Variants in LARGE1 observed in about 807,000 individuals in gnomAD.
LARGE1 encodes xylosyl- and glucuronyltransferase LARGE1.
LARGE1 carries 43 observed loss-of-function variants against 87.6 expected under a neutral mutation model. That is an observed-to-expected ratio of 0.49 (90% CI 0.38 to 0.63). The LOEUF (loss-of-function observed/expected upper bound fraction) is 0.63, where lower values mean the gene tolerates loss of function less well. Ranked by LOEUF, LARGE1 falls within the 30% of genes least tolerant of loss-of-function variation. The pLI, the probability that LARGE1 is intolerant of heterozygous loss-of-function variation, is 0.00. For missense variants in LARGE1, 802 were observed against 1,000.2 expected (o/e 0.80, Z 2.67); for synonymous variants, 434 against 394.6 (o/e 1.10, Z -1.18).
At chr22:33,537,583 T>C (rs957944006) in intron 6 of LARGE1, among the ~76,000 whole-genome samples, 2 of 152,172 alleles carry the variant, frequency 1.3e-5, no homozygotes, top group African/African-American at 4.8e-5. Flanking sequence ...TATTTGTTTT[T>C]TTAAGACGGA....
chr22:33,423,378 A>T (rs912538905), intron 7 of LARGE1, among the ~76,000 whole-genome samples: 3 of 151,886 alleles, frequency 2.0e-5, no homozygotes, highest in African/African-American at 7.2e-5. Flanking sequence ...AATTTTCTTT[A>T]AAAAAATTAT....
chr22:33,586,478 C>T (rs1197135609), intron 5 of LARGE1, among the ~76,000 whole-genome samples: 4 of 145,786 alleles, frequency 2.7e-5, no homozygotes, highest in Non-Finnish European at 4.5e-5. Context: ...TTTTTTCAGA[C>T]GGAGTCTTGC....
the LARGE1 span, among the ~76,000 whole-genome samples, chr22:33,079,905 G>T: frequency 1.3e-5 from 2 of 152,226 alleles, no homozygotes; most frequent in African/African-American, 4.8e-5. Context: ...TCCGACAATG[G>T]CATCATTGGC....
the LARGE1 span, among the ~76,000 whole-genome samples, chr22:33,131,378 T>C: frequency 6.6e-6 from 1 of 152,166 alleles, no homozygotes; most frequent in South Asian, 2.1e-4. Context: ...CTGCCTTCCT[T>C]TATCCCTATT....
At chr22:33,364,189 G>T (rs1260404638) in intron 9 of LARGE1, among the ~76,000 whole-genome samples, 1 of 152,072 alleles carries the variant, frequency 6.6e-6, no homozygotes, top group South Asian at 2.1e-4. Flanking sequence ...CGAGTAGCTG[G>T]GACTACAGGC....
chr22:33,350,073 G>A (rs1009681870), intron 9 of LARGE1, among the ~76,000 whole-genome samples: 2 of 152,158 alleles, frequency 1.3e-5, no homozygotes, highest in Non-Finnish European at 2.9e-5. Context: ...AGGCTAAGGA[G>A]GGGATAAAAG....
At chr22:33,123,007 TG>T in the LARGE1 span, among the ~76,000 whole-genome samples, 2 of 152,102 alleles carry the variant, frequency 1.3e-5, no homozygotes, top group South Asian at 4.1e-4. Flanking sequence ...TTGATGACCT[TG>T]GAGTGGAATC....
intron 1 of LARGE1, chr22:33,873,344 G>A (rs1232991905): frequency 6.6e-6 from 1 of 152,290 alleles, no homozygotes; most frequent in African/African-American, 2.4e-5. Flanking sequence ...GCCTCGATTA[G>A]CTGGAGTGTT....
chr22:33,093,742 G>T, the LARGE1 span, among the ~76,000 whole-genome samples: 5 of 151,840 alleles, frequency 3.3e-5, no homozygotes, highest in Admixed American at 1.3e-4. Context: ...ATTCTATTCT[G>T]CACTGGGTGT....
chr22:33,854,884 C>T (rs1263562126), intron 1 of LARGE1, among the ~76,000 whole-genome samples: 1 of 152,116 alleles, frequency 6.6e-6, no homozygotes, highest in Admixed American at 6.5e-5. Context: ...CTGTGGGGTG[C>T]CATGTTGCAT....
chr22:33,508,768 C>T (rs2267222), intron 6 of LARGE1, among the ~76,000 whole-genome samples: 67,378 of 151,976 alleles, frequency 0.44, 15,984 homozygotes, highest in Admixed American at 0.53. Flanking sequence ...TATTACTTCA[C>T]GTGACATTTG....
chr22:33,710,848 A>G (rs2082711262), intron 2 of LARGE1, among the ~76,000 whole-genome samples: 1 of 152,220 alleles, frequency 6.6e-6, no homozygotes, highest in African/African-American at 2.4e-5. Flanking sequence ...TTACTTTGAA[A>G]AAGGGGCATT....
intron 2 of LARGE1, among the ~76,000 whole-genome samples, chr22:33,673,308 C>CA (rs1284240844): frequency 6.6e-6 from 1 of 152,030 alleles, no homozygotes; most frequent in Admixed American, 6.6e-5. Flanking sequence ...TAAATGGCCC[C>CA]ACCAGTTGAA....
intron 6 of LARGE1, among the ~76,000 whole-genome samples, chr22:33,432,883 T>A (rs2147731626): frequency 6.6e-6 from 1 of 152,326 alleles, no homozygotes; most frequent in African/African-American, 2.4e-5. Flanking sequence ...TCAACAAGCA[T>A]CATGTCAATA....
At chr22:33,760,514 TCGCAA>T (rs1245292735) in intron 2 of LARGE1, among the ~76,000 whole-genome samples, 1 of 152,188 alleles carries the variant, frequency 6.6e-6, no homozygotes, top group African/African-American at 2.4e-5. Context: ...ACAACGCGCA[TCGCAA>T]CGTGCCGCGA....
intron 2 of LARGE1, among the ~76,000 whole-genome samples, chr22:33,677,965 C>A (rs2081632443): frequency 3.3e-5 from 5 of 152,162 alleles, no homozygotes; most frequent in African/African-American, 1.2e-4. Flanking sequence ...GGTGAGCACA[C>A]AACTCAATGT....
intron 7 of LARGE1, among the ~76,000 whole-genome samples, chr22:33,430,553 A>G (rs1226112859): frequency 2.6e-5 from 4 of 152,118 alleles, no homozygotes; most frequent in South Asian, 2.1e-4. Flanking sequence ...ACATTCTTCA[A>G]TCACAACCTC....
At chr22:33,097,203 C>G in the LARGE1 span, among the ~76,000 whole-genome samples, 1 of 152,140 alleles carries the variant, frequency 6.6e-6, no homozygotes, top group Non-Finnish European at 1.5e-5. Context: ...AAGGATAAGC[C>G]TTGGGCACAT....
chr22:33,647,431 T>C (rs912186547), intron 3 of LARGE1, among the ~76,000 whole-genome samples: 1 of 152,238 alleles, frequency 6.6e-6, no homozygotes, highest in African/African-American at 2.4e-5. Flanking sequence ...ATGTCCCACC[T>C]TAACACTTCT....
Sources: gnomAD v4.1 joint callset for allele counts (sites outside exome capture counted in the v4.1 genomes callset) on GRCh38, gnomAD v4.1.1 for gene constraint, MANE v1.5 for transcripts, NCBI Gene and HGNC (gene_info 2026-07-23, HGNC 2026-07-21) for gene names.